The following FMO1 variants were observed in gnomAD, a reference collection of about 807,000 sequenced individuals.
The protein encoded by FMO1 is flavin-containing monooxygenase 1.
A neutral mutation model predicts 45.4 loss-of-function variants in FMO1; 36 were observed. The ratio of observed to expected loss-of-function variants is 0.79; its 90% CI spans 0.61 to 1.05. The LOEUF is 1.05. Among genes scored for constraint, FMO1 ranks in the 50% least tolerant of loss-of-function variants. FMO1 has a pLI of 0.00. For synonymous variants in FMO1, 228 were observed against 227.2 expected (o/e 1.00, Z -0.03); for missense variants, 615 against 640.3 (o/e 0.96, Z 0.43).
At chr1:171,282,751 G>A (rs1558019862) in intron 7 of FMO1, 1 of 225,330 alleles carries the variant, frequency 4.4e-6, no homozygotes, top group Admixed American at 5.3e-5. Context: ...CTGAGTAGTG[G>A]AGACTACAGA....
chr1:171,267,981 G>A (rs28360383), intron 3 of FMO1, among the ~76,000 whole-genome samples: 14,669 of 152,196 alleles, frequency 0.096, 797 homozygotes, highest in South Asian at 0.19. Flanking sequence ...AGTATCTTAG[G>A]GAACCTAAAA....
At chr1:171,278,669 TTA>T in intron 4 of FMO1, 58 bp from the exon 5 acceptor site, 2 of 1,273,572 alleles carry the variant, frequency 1.6e-6, no homozygotes, top group Admixed American at 2.2e-5. Flanking sequence ...TGAAGAATAT[TTA>T]TGTTTCATTC....
At chr1:171,249,949 A>G (rs1380324835) in intron 1 of FMO1, among the ~76,000 whole-genome samples, 2 of 152,150 alleles carry the variant, frequency 1.3e-5, no homozygotes, top group Non-Finnish European at 2.9e-5. Flanking sequence ...AACTCGGAAA[A>G]TAAAACTCTT....
chr1:171,249,681 G>A (rs1376549837), intron 1 of FMO1, among the ~76,000 whole-genome samples: 2 of 150,322 alleles, frequency 1.3e-5, no homozygotes, highest in Non-Finnish European at 1.5e-5. Context: ...GCACTAAGGT[G>A]TAGGAGTGTG....
Position 171,267,629 on chromosome 1 carries a change from A to G in FMO1, c.219A>G (p.Pro73=), listed in dbSNP as rs778711459. 1.9e-6 allele frequency: 3 copies of G among 1,614,048 alleles called. No homozygotes were observed. Among genetic ancestry groups the G allele is most frequent in the Non-Finnish European group, 2.5e-6 (3 of 1,179,876 alleles). Residue 73 remains proline, a synonymous_variant, in exon 3 of 9, where the codon CCA becomes CCG. Coordinates refer to ENST00000617670, the MANE Select transcript of FMO1 (RefSeq NM_001282693.2). Reference sequence around the variant, plus strand: ...AGATGTCTTGTTACTCAGACTTTCCATTCCCAGAAGATTATCCAAACTATG... The same window carrying G: ...AGATGTCTTGTTACTCAGACTTTCCGTTCCCAGAAGATTATCCAAACTATG... ...CKEMSCYSDF[P]FPEDYPNYVP...
At chr1:171,271,069 C>T (rs1457903275) in intron 3 of FMO1, 9 of 967,850 alleles carry the variant, frequency 9.3e-6, no homozygotes, top group Non-Finnish European at 1.4e-5. Context: ...CTTGATAAAT[C>T]CCTTTTTTGC....
In FMO1 at chr1:171,283,192, C is replaced by T. The variant is rs765927391; in HGVS notation, c.1232C>T (p.Ala411Val). 3.2e-5 allele frequency: 46 copies of T among 1,444,642 alleles called. No homozygotes were observed. Among genetic ancestry groups the T allele is most frequent in the Non-Finnish European group, 4.1e-5 (44 of 1,081,720 alleles). The allele number at this position is 1,444,642 out of a possible 1,614,324, so 89.5% of individuals were successfully genotyped here. A position where few individuals can be genotyped will look rare whatever the true frequency, so the allele number is the denominator to read the frequency against. Reference protein sequence around the residue: ...PPSVMIEEINARKENKPSWFG... With the variant: ...PPSVMIEEINVRKENKPSWFG... ...AGTGTCATGATAGAGGAAATTAATGCAAGGAAAGAAAACAAGCCCAGTTGG... is the reference window on the plus strand; with the variant it reads ...AGTGTCATGATAGAGGAAATTAATGTAAGGAAAGAAAACAAGCCCAGTTGG... Residue 411 changes from alanine (A) to valine (V), a missense_variant, in exon 8 of 9, where the codon GCA becomes GTA. Coordinates refer to ENST00000617670, the MANE Select transcript of FMO1 (RefSeq NM_001282693.2).
rs772867301 is a variant in FMO1, at chr1:171,285,450, G to A, written c.1505G>A (p.Arg502Gln). 1.3e-5 allele frequency: 21 copies of A among 1,598,646 alleles called. No individual in the cohort carries two copies. Among genetic ancestry groups the A allele is most frequent in the African/African-American group, 1.1e-4 (8 of 74,222 alleles). ...WDRTFKVIKA[R>Q]VVQESPSPFE... ...CGAACATTCAAGGTCATCAAAGCTC[G>A]AGTTGTACAAGAGTCTCCATCTCCC... The change falls in exon 9 of 9, where the codon CGA becomes CAA. Residue 502 changes from arginine (R) to glutamine (Q), a missense_variant. Transcript: ENST00000617670.
chr1:171,269,292 A>C (rs904095155), intron 3 of FMO1, among the ~76,000 whole-genome samples: 14 of 152,192 alleles, frequency 9.2e-5, no homozygotes, highest in African/African-American at 3.4e-4. Context: ...AGAAAGGAAA[A>C]TGTAGGAAAC....
chr1:171,262,522 C>T (rs925637277), intron 2 of FMO1, among the ~76,000 whole-genome samples: 4 of 152,188 alleles, frequency 2.6e-5, no homozygotes, highest in Admixed American at 1.3e-4. Context: ...ATTCAACAAA[C>T]ATTGATTGAA....
At chr1:171,254,528 G>T (rs910338781) in intron 1 of FMO1, among the ~76,000 whole-genome samples, 1 of 152,130 alleles carries the variant, frequency 6.6e-6, no homozygotes, top group African/African-American at 2.4e-5. Context: ...GAAAATAAGA[G>T]ATGAGCCAAA....
intron 3 of FMO1, among the ~76,000 whole-genome samples, chr1:171,275,130 A>T (rs898685515): frequency 6.6e-5 from 10 of 152,196 alleles, no homozygotes; most frequent in African/African-American, 2.2e-4. Flanking sequence ...AAATTTTTGG[A>T]TGCCACCACT....
Position 171,258,226 on chromosome 1 carries a change from G to A in FMO1, c.132+7G>A. 1 of 1,613,944 alleles carries A rather than the reference G, an allele frequency of 6.2e-7. No individual in the cohort carries two copies. The highest frequency in any genetic ancestry group is 1.3e-5 in the African/African-American group (1 of 75,038). ...GGGGCTGTGGAGATTCACCGTAAGTGGGGTTTCAACAACTTTATCTGTCTA... is the reference window on the plus strand; with the variant it reads ...GGGGCTGTGGAGATTCACCGTAAGTAGGGTTTCAACAACTTTATCTGTCTA... On this transcript the variant is annotated splice_region_variant and intron_variant, in intron 2 of 8. Transcript: ENST00000617670.
chr1:171,270,854 A>C (rs1660827489), intron 3 of FMO1: 1 of 692,376 alleles, frequency 1.4e-6, no homozygotes, highest in Non-Finnish European at 2.3e-6. Context: ...CAAATCCTAC[A>C]CAGACTTACA....
intron 7 of FMO1, chr1:171,282,899 A>G (rs1248011350): frequency 2.5e-6 from 1 of 402,930 alleles, no homozygotes; most frequent in African/African-American, 2.1e-5. Flanking sequence ...CAGCCAAACT[A>G]GTTGTGAGAT....
chr1:171,265,084 T>TGTCAA (rs1660559772), intron 2 of FMO1, among the ~76,000 whole-genome samples: 1 of 151,990 alleles, frequency 6.6e-6, no homozygotes, highest in South Asian at 2.1e-4. Context: ...TGTAGACTGT[T>TGTCAA]GTCAAATATA....
In FMO1 at chr1:171,259,743, A is replaced by G. The variant is rs28384864; in HGVS notation, c.132+1524A>G. ...ATAGGTCACAGGCACCTAATCATCA[A>G]CACTAAAAATCACTGATCTAAGAAT... is the stretch of plus-strand genomic sequence containing the variant. On this transcript the variant is annotated intron_variant, in intron 2 of 8. Transcript: ENST00000617670. 3.8e-3 allele frequency among the ~76,000 whole-genome samples: 573 copies of G among 152,360 alleles called. 2 individuals are homozygous for G. The highest frequency in any genetic ancestry group is 6.3e-3 in the Non-Finnish European group (431 of 68,034).
intron 3 of FMO1, among the ~76,000 whole-genome samples, chr1:171,274,148 CAAAAA>C (rs36027678): frequency 1.0e-5 from 1 of 96,702 alleles, no homozygotes; most frequent in African/African-American, 3.3e-5. Context: ...GACTCCATCT[CAAAAA>C]AAAAAAAAAA....
intron 1 of FMO1, among the ~76,000 whole-genome samples, chr1:171,254,841 T>A (rs1189016133): frequency 6.6e-6 from 1 of 152,204 alleles, no homozygotes; most frequent in Non-Finnish European, 1.5e-5. Flanking sequence ...CAACCCATTG[T>A]CAGAATTGGC....
Sources: gnomAD v4.1 joint callset for allele counts (sites outside exome capture counted in the v4.1 genomes callset) on GRCh38, gnomAD v4.1.1 for gene constraint, MANE v1.5 for transcripts, NCBI Gene and HGNC (gene_info 2026-07-23, HGNC 2026-07-21) for gene names.